The following CFAP54 variants were observed in gnomAD, a reference collection of about 807,000 sequenced individuals.
CFAP54 encodes cilia- and flagella-associated protein 54.
A neutral mutation model predicts 370.4 loss-of-function variants in CFAP54; 290 were observed. The observed-to-expected ratio is 0.78, with a 90% CI of 0.71 to 0.86. The LOEUF (loss-of-function observed/expected upper bound fraction) is 0.86. Among genes scored for constraint, CFAP54 ranks in the 40% least tolerant of loss-of-function variants. The pLI, the probability that CFAP54 is intolerant of heterozygous loss-of-function variation, is 0.00. For missense variants in CFAP54, 3,399 were observed against 3,528.7 expected, an observed-to-expected ratio of 0.96 and a Z score of 0.93; for synonymous variants, 1,206 against 1,236.5, an observed-to-expected ratio of 0.98 and a Z score of 0.52.
chr12:96,720,758 A>T (rs1416184095), intron 50 of CFAP54, among the ~76,000 whole-genome samples, 193 bp downstream of exon 50: 1 of 152,198 alleles, frequency 6.6e-6, no homozygotes, highest in African/African-American at 2.4e-5. Context: ...GTGGTGGCTC[A>T]TGCCTGTAAT....
intron 32 of CFAP54, among the ~76,000 whole-genome samples, chr12:96,637,373 T>C (rs1033934715): frequency 6.6e-6 from 1 of 152,214 alleles, no homozygotes; most frequent in African/African-American, 2.4e-5. Flanking sequence ...TGTAAAGCTT[T>C]GGTTTAGACA....
intron 36 of CFAP54, among the ~76,000 whole-genome samples, chr12:96,654,052 A>T (rs1446114749): frequency 2.6e-5 from 4 of 152,214 alleles, no homozygotes; most frequent in Non-Finnish European, 5.9e-5. Context: ...CACAAGAAGA[A>T]ACAGAAAATA....
chr12:96,781,120 G>A (rs1439131108), intron 60 of CFAP54, among the ~76,000 whole-genome samples: 1 of 152,134 alleles, frequency 6.6e-6, no homozygotes, highest in Non-Finnish European at 1.5e-5. Flanking sequence ...CTAGAAATAT[G>A]TCAGCACAAA....
At chr12:96,495,557 G>A (rs1183411810) in intron 1 of CFAP54, among the ~76,000 whole-genome samples, 4 of 150,996 alleles carry the variant, frequency 2.6e-5, no homozygotes, top group Non-Finnish European at 5.9e-5. Context: ...CTGACCTCAA[G>A]CGATCTGCCC....
intron 65 of CFAP54, among the ~76,000 whole-genome samples, chr12:96,825,123 A>G (rs1357849644): frequency 6.8e-6 from 1 of 147,264 alleles, no homozygotes; most frequent in Non-Finnish European, 1.5e-5. Flanking sequence ...AATTCTTATG[A>G]CCCTTCCTCC....
chr12:96,859,350 T>G (rs910028378), intron 66 of CFAP54, among the ~76,000 whole-genome samples: 4 of 152,082 alleles, frequency 2.6e-5, no homozygotes, highest in Non-Finnish European at 5.9e-5. Flanking sequence ...AGTGGTGAGG[T>G]CTGAATTTGA....
chr12:96,518,055 T>C (rs1274808738), intron 5 of CFAP54, among the ~76,000 whole-genome samples: 1 of 152,218 alleles, frequency 6.6e-6, no homozygotes, highest in Non-Finnish European at 1.5e-5. Context: ...TCATGTACGT[T>C]GTCACTTTCT....
At chr12:96,837,615 C>G (rs961010264) in intron 66 of CFAP54, among the ~76,000 whole-genome samples, 10 of 152,148 alleles carry the variant, frequency 6.6e-5, no homozygotes, top group Non-Finnish European at 1.5e-4. Flanking sequence ...TAGTCCCCAA[C>G]AAATGTTCAA....
intron 33 of CFAP54, chr12:96,646,169 A>G (rs999610395): frequency 3.9e-5 from 6 of 152,186 alleles, no homozygotes; most frequent in African/African-American, 1.4e-4. Context: ...CAGGCAACCT[A>G]CAGAATGGGA....
chr12:96,690,176 A>G (rs1272215362), intron 43 of CFAP54, among the ~76,000 whole-genome samples: 1 of 152,220 alleles, frequency 6.6e-6, no homozygotes, highest in African/African-American at 2.4e-5. Flanking sequence ...TTTCTTAGTA[A>G]TACTATACCT....
chr12:96,656,555 A>G (rs1956925576), intron 36 of CFAP54, among the ~76,000 whole-genome samples: 2 of 152,112 alleles, frequency 1.3e-5, no homozygotes, highest in Admixed American at 1.3e-4. Context: ...CTAATTTTGT[A>G]TTTTTAGTAG....
chr12:96,542,101 T>G (rs7980921), intron 14 of CFAP54, among the ~76,000 whole-genome samples: 63,583 of 151,980 alleles, frequency 0.42, 13,805 homozygotes, highest in South Asian at 0.47. Flanking sequence ...TCACCCCACT[T>G]ATAGAGCATG....
chr12:96,658,115 G>C lies in CFAP54; in HGVS notation c.5324+10G>C. ...TCAATACAGTTTCACAGTAAGTACT[G>C]CTGTAAGGGCAATTAAAAGTAGAAG... On this transcript the variant is annotated intron_variant, in intron 37 of 67. Coordinates refer to ENST00000524981, the MANE Select transcript of CFAP54 (RefSeq NM_001306084.2). The C allele has an allele frequency of 6.3e-7, 1 of 1,593,994 alleles. No homozygotes were observed. The highest frequency in any genetic ancestry group is 8.5e-7 in the Non-Finnish European group (1 of 1,169,992).
At chr12:96,716,592 T>G (rs1215654103) in intron 48 of CFAP54, among the ~76,000 whole-genome samples, 1 of 152,198 alleles carries the variant, frequency 6.6e-6, no homozygotes, top group East Asian at 1.9e-4. Context: ...ATATCATGGC[T>G]TAACACAGCA....
At chr12:96,492,223 T>TA (rs1046877872) in intron 1 of CFAP54, among the ~76,000 whole-genome samples, 27 of 152,324 alleles carry the variant, frequency 1.8e-4, no homozygotes, top group African/African-American at 6.5e-4. Flanking sequence ...AAATCTTATC[T>TA]AAAGTCTTTC....
Position 96,502,411 on chromosome 12 carries a change from A to AT in CFAP54, c.423+1472_423+1473insT, listed in dbSNP as rs1565876545. On this transcript the variant is annotated intron_variant, in intron 2 of 67. Coordinates refer to ENST00000524981, the MANE Select transcript of CFAP54 (RefSeq NM_001306084.2). The stretch of plus-strand genomic sequence containing the variant: ...ACACTGTCCCTAAAAAAAAAAAAAA[A>AT]AAAAAAAAGGTATTTATAATTCTGA... 8.6e-5 allele frequency among the ~76,000 whole-genome samples: 13 copies of AT among 151,400 alleles called. 1 individual carries two copies. Among genetic ancestry groups the AT allele is most frequent in the African/African-American group, 3.2e-4 (13 of 41,230 alleles).
At chr12:96,590,318 A>G (rs1449526700) in intron 23 of CFAP54, among the ~76,000 whole-genome samples, 51 of 152,190 alleles carry the variant, frequency 3.4e-4, no homozygotes, top group Admixed American at 3.3e-3. Flanking sequence ...GAAGCCATAT[A>G]AAATTACTAT....
chr12:96,610,077 TA>T (rs977470319), intron 26 of CFAP54, among the ~76,000 whole-genome samples: 3 of 152,168 alleles, frequency 2.0e-5, no homozygotes, highest in Non-Finnish European at 4.4e-5. Flanking sequence ...GCCACTTTAA[TA>T]AAAAAATGAT....
chr12:96,797,301 G>A (rs1445785227), intron 63 of CFAP54, among the ~76,000 whole-genome samples: 1 of 151,942 alleles, frequency 6.6e-6, no homozygotes, highest in Non-Finnish European at 1.5e-5. Flanking sequence ...GTACTCTTCA[G>A]TTGTTGAGGA....
Sources: gnomAD v4.1 joint callset for allele counts (sites outside exome capture counted in the v4.1 genomes callset) on GRCh38, gnomAD v4.1.1 for gene constraint, MANE v1.5 for transcripts, NCBI Gene and HGNC (gene_info 2026-07-23, HGNC 2026-07-21) for gene names.